SH3D19: variants seen among roughly 807,000 people sequenced by gnomAD.
SH3D19 encodes the protein SH3 domain-containing protein 19.
In SH3D19, 58 loss-of-function variants were observed where a neutral mutation model predicts 112.1. That is an observed-to-expected ratio of 0.52 (90% confidence interval 0.42 to 0.64). The LOEUF is 0.64. SH3D19 is among the 30% of genes least tolerant of loss of function. The pLI is 0.00. For missense variants in SH3D19, 1,090 were observed against 1,263.4 expected (o/e 0.86, Z 2.08); for synonymous variants, 391 against 448.5 (o/e 0.87, Z 1.62).
intron 11 of SH3D19, among the ~76,000 whole-genome samples, chr4:151,147,645 T>TAG (rs1300564735): frequency 1.3e-5 from 2 of 152,150 alleles, no homozygotes; most frequent in Non-Finnish European, 2.9e-5. Context: ...GTAATTTTAG[T>TAG]AGAGACAGAG....
chr4:151,232,312 G>T (rs1769675491), intron 1 of SH3D19, among the ~76,000 whole-genome samples: 1 of 152,134 alleles, frequency 6.6e-6, no homozygotes. Flanking sequence ...GTCCTGACTG[G>T]ATTTTCTGGC....
intron 2 of SH3D19, among the ~76,000 whole-genome samples, chr4:151,205,394 G>T (rs149305562): frequency 9.6e-4 from 146 of 152,292 alleles, no homozygotes; most frequent in African/African-American, 3.1e-3. Flanking sequence ...TAGGCTATCA[G>T]TGAATTCTTG....
intron 1 of SH3D19, among the ~76,000 whole-genome samples, chr4:151,236,318 G>A (rs954385194): frequency 1.3e-5 from 2 of 152,248 alleles, no homozygotes; most frequent in African/African-American, 2.4e-5. Flanking sequence ...CGCGGGCCCC[G>A]CACTTGGCAC....
intron 2 of SH3D19, among the ~76,000 whole-genome samples, chr4:151,189,484 G>C (rs762063775): frequency 2.6e-5 from 4 of 152,138 alleles, no homozygotes; most frequent in Non-Finnish European, 4.4e-5. Flanking sequence ...ATCGTGAATT[G>C]TAACTCCCAC....
intron 1 of SH3D19, among the ~76,000 whole-genome samples, chr4:151,298,455 C>G (rs1052295618): frequency 7.9e-6 from 1 of 127,284 alleles, no homozygotes; most frequent in Non-Finnish European, 1.9e-5. Context: ...GAATTACAGG[C>G]GTGAGCCACC....
chr4:151,122,278 G>T, intron 19 of SH3D19, 71 bp from the exon 20 acceptor site: 1 of 766,540 alleles, frequency 1.3e-6, no homozygotes. Flanking sequence ...GGCCTACCTA[G>T]GGCAGCATGA....
At position 151,309,019 on chromosome 4, in the gene SH3D19, C is replaced by A. The variant is rs139188009; in HGVS notation, c.112+16222G>T. The stretch of plus-strand genomic sequence containing the variant: ...GAGTAGCTGGGATTACAGGTGCACA[C>A]CACCATGCCCAACTAATTTTTGTAT... On this transcript the variant is annotated intron_variant, in intron 1 of 19. Coordinates refer to ENST00000604030, the MANE Select transcript of SH3D19 (RefSeq NM_001378122.1). 1.6e-4 allele frequency among the ~76,000 whole-genome samples: 25 copies of A among 152,232 alleles called. No homozygotes were observed. In the East Asian group the frequency reaches 4.5e-3, roughly 27 times the overall value.
At chr4:151,179,812 T>C (rs1453888193) in intron 3 of SH3D19, among the ~76,000 whole-genome samples, 1 of 152,236 alleles carries the variant, frequency 6.6e-6, no homozygotes, top group Non-Finnish European at 1.5e-5. Flanking sequence ...TATAAATCTA[T>C]TGTAGAATGA....
intron 1 of SH3D19, chr4:151,282,040 C>A: frequency 1.8e-6 from 2 of 1,125,712 alleles, no homozygotes; most frequent in Non-Finnish European, 1.3e-6. Flanking sequence ...ATGGTTAATT[C>A]CCAGTTGGCT....
intron 11 of SH3D19, among the ~76,000 whole-genome samples, chr4:151,145,582 A>C (rs6825613): frequency 0.85 from 128,672 of 152,164 alleles, 55,599 homozygotes; most frequent in Non-Finnish European, 0.95. Context: ...CTTTTTTGGA[A>C]TGAGCCCGCC....
intron 1 of SH3D19, among the ~76,000 whole-genome samples, chr4:151,263,157 A>G (rs552385160): frequency 1.5e-5 from 2 of 132,040 alleles, no homozygotes; most frequent in South Asian, 4.5e-4. Context: ...AGAGTGAATA[A>G]AATTTGGTTG....
At chr4:151,125,126 TAGA>T (rs1479447938) in intron 19 of SH3D19, among the ~76,000 whole-genome samples, 17 of 152,168 alleles carry the variant, frequency 1.1e-4, no homozygotes, top group Admixed American at 3.3e-4. Flanking sequence ...AGGGAACTGA[TAGA>T]AGGTTACGAG....
chr4:151,147,205 G>A (rs901636493), intron 11 of SH3D19, among the ~76,000 whole-genome samples: 10 of 152,212 alleles, frequency 6.6e-5, no homozygotes, highest in African/African-American at 2.4e-4. Context: ...TATGATTGCA[G>A]CAGTGCACTA....
intron 1 of SH3D19, among the ~76,000 whole-genome samples, chr4:151,227,125 T>C (rs1475370132): frequency 6.6e-6 from 1 of 152,218 alleles, no homozygotes; most frequent in Non-Finnish European, 1.5e-5. Flanking sequence ...GAATTAATGC[T>C]AACAAGATAG....
chr4:151,267,959 G>A (rs1772936248), intron 1 of SH3D19, among the ~76,000 whole-genome samples: 1 of 152,166 alleles, frequency 6.6e-6, no homozygotes, highest in Non-Finnish European at 1.5e-5. Context: ...GTCTGTGAAA[G>A]GTTGTCCAAG....
At chr4:151,163,827 C>T (rs1335733746) in intron 8 of SH3D19, among the ~76,000 whole-genome samples, 1 of 152,032 alleles carries the variant, frequency 6.6e-6, no homozygotes, top group Non-Finnish European at 1.5e-5. Context: ...AAGTGATCTG[C>T]CCACCTCAGC....
intron 1 of SH3D19, among the ~76,000 whole-genome samples, chr4:151,247,713 T>C (rs925232808): frequency 1.3e-5 from 2 of 152,188 alleles, no homozygotes; most frequent in African/African-American, 2.4e-5. Flanking sequence ...TCTATAACTT[T>C]AATGTATATA....
At chr4:151,244,962 G>GTGAAATCT (rs1004178259) in intron 1 of SH3D19, among the ~76,000 whole-genome samples, 1 of 152,056 alleles carries the variant, frequency 6.6e-6, no homozygotes, top group African/African-American at 2.4e-5. Flanking sequence ...GGCTAACACG[G>GTGAAATCT]TGAAATCTCG....
At chr4:151,231,460 G>A (rs1769605226) in intron 1 of SH3D19, among the ~76,000 whole-genome samples, 1 of 152,108 alleles carries the variant, frequency 6.6e-6, no homozygotes, top group African/African-American at 2.4e-5. Flanking sequence ...ATCCACCTCT[G>A]CTTTCTATTT....
Sources: allele counts gnomAD v4.1 joint callset (sites outside exome capture counted in the v4.1 genomes callset), GRCh38; gene constraint gnomAD v4.1.1; transcripts MANE v1.5; gene names NCBI Gene and HGNC (gene_info 2026-07-23, HGNC 2026-07-21).